Variants in MGA observed in about 807,000 individuals in gnomAD.
MGA encodes the protein MAX gene-associated protein.
Under a neutral mutation model 261.1 loss-of-function variants are expected in MGA, and 40 were observed. The ratio of observed to expected loss-of-function variants is 0.15; its 90% CI spans 0.12 to 0.20. MGA has a LOEUF of 0.20. MGA is among the 10% of genes least tolerant of loss of function. The pLI, the probability that MGA is intolerant of heterozygous loss-of-function variation, is 1.00. For missense variants in MGA, 3,397 were observed against 3,630.5 expected, an observed-to-expected ratio of 0.94 and a Z score of 1.65; for synonymous variants, 1,302 against 1,290.6, an observed-to-expected ratio of 1.01 and a Z score of -0.19.
At chr15:41,685,136 A>G (rs909547939) in intron 2 of MGA, among the ~76,000 whole-genome samples, 1 of 152,180 alleles carries the variant, frequency 6.6e-6, no homozygotes, top group East Asian at 1.9e-4. Context: ...ATTATTAATA[A>G]TTTTTGTACA....
In MGA at chr15:41,749,691, G is replaced by A; in HGVS notation, c.6084G>A (p.Arg2028=). The A allele has an allele frequency of 6.2e-7, 1 of 1,613,996 alleles. No individual in the cohort carries two copies. The highest frequency in any genetic ancestry group is 8.5e-7 in the Non-Finnish European group (1 of 1,179,900). The change falls in exon 17 of 24, where the codon AGG becomes AGA. Residue 2028 remains arginine, a synonymous_variant. Coordinates refer to ENST00000219905, the MANE Select transcript of MGA (RefSeq NM_001164273.2). Reference sequence around the variant, plus strand: ...CTCTGAATGATTCCTTGGAAGATAGGGGTGATCATTTGGATGAAGAATGCC... The same window carrying A: ...CTCTGAATGATTCCTTGGAAGATAGAGGTGATCATTTGGATGAAGAATGCC...
At position 41,743,190 on chromosome 15, in the gene MGA, C is replaced by T; in HGVS notation, c.5212+18C>T. ...GAGACCAGGTAAGGCCTAGATGTTACTAGCTGCTTTATTTTACTGTACACC... is the reference window on the plus strand; with the variant it reads ...GAGACCAGGTAAGGCCTAGATGTTATTAGCTGCTTTATTTTACTGTACACC... On this transcript the variant is annotated intron_variant, in intron 15 of 23. Transcript: ENST00000219905. The T allele has an allele frequency of 1.3e-6, 2 of 1,584,592 alleles. No individual in the cohort carries two copies. The highest frequency in any genetic ancestry group is 2.3e-5 in the South Asian group (2 of 87,762).
chr15:41,753,544 T>C (rs1440647917), intron 17 of MGA, among the ~76,000 whole-genome samples: 1 of 152,194 alleles, frequency 6.6e-6, no homozygotes, highest in African/African-American at 2.4e-5. Flanking sequence ...TGACTCCTTT[T>C]TTGGTATAAT....
chr15:41,651,761 C>T (rs1168790394), intron 1 of MGA, among the ~76,000 whole-genome samples: 2 of 44,032 alleles, frequency 4.5e-5, no homozygotes, highest in Non-Finnish European at 9.4e-5. Context: ...CCCTCCTCCT[C>T]TCCCCTCCCC....
At chr15:41,680,645 A>T (rs2058620023) in intron 2 of MGA, among the ~76,000 whole-genome samples, 1 of 152,236 alleles carries the variant, frequency 6.6e-6, no homozygotes, top group African/African-American at 2.4e-5. Flanking sequence ...AAAGAATACA[A>T]GTTAGGACCA....
chr15:41,713,281 G>A lies in MGA; in HGVS notation c.3215G>A (p.Arg1072His), dbSNP rs746445154. 10 of 1,613,940 alleles carry A rather than the reference G, an allele frequency of 6.2e-6. No individual in the cohort carries two copies. Among genetic ancestry groups the A allele is most frequent in the African/African-American group, 1.3e-5 (1 of 75,006 alleles). ...GAGAAGCGCCAACCTGCTCACTGCC[G>A]CCGACCAGACTGCATGTTTGGTTGT... The change falls in exon 9 of 24, where the codon CGC becomes CAC. Residue 1072 changes from arginine to histidine, a missense_variant. This residue lies in a region of MGA where 519 missense variants were observed against 554.1 expected (regional missense o/e 0.94). Coordinates refer to ENST00000219905, the MANE Select transcript of MGA (RefSeq NM_001164273.2).
At chr15:41,648,763 T>C (rs2056983266) in intron 1 of MGA, among the ~76,000 whole-genome samples, 1 of 152,174 alleles carries the variant, frequency 6.6e-6, no homozygotes, top group African/African-American at 2.4e-5. Context: ...CTGTAGGCCA[T>C]ACTAAGGATG....
chr15:41,766,553 C>G lies in MGA; in HGVS notation c.8471C>G (p.Thr2824Ser). The change falls in exon 24 of 24, where the codon ACT becomes AGT. Residue 2824 changes from threonine (T) to serine (S), a missense_variant. Physicochemically the swap from Thr to Ser is moderately conservative, Grantham distance 58 (BLOSUM62 1). Around this residue, in one of 9 missense-constraint regions of MGA, gnomAD observed 647 missense variants for 642.4 expected, o/e 1.01. Coordinates refer to ENST00000219905, the MANE Select transcript of MGA (RefSeq NM_001164273.2). Reference sequence around the variant, plus strand: ...GAGGATGATACTGATGAGACACTGACTTCACTGCTCAATGAAATTGCCTTT... The same window carrying G: ...GAGGATGATACTGATGAGACACTGAGTTCACTGCTCAATGAAATTGCCTTT... The G allele has an allele frequency of 1.2e-6, 2 of 1,613,956 alleles. No individual in the cohort carries two copies. Among genetic ancestry groups the G allele is most frequent in the Non-Finnish European group, 1.7e-6 (2 of 1,179,866 alleles).
At chr15:41,755,225 G>A (rs1392815741) in intron 18 of MGA, among the ~76,000 whole-genome samples, 4 of 152,186 alleles carry the variant, frequency 2.6e-5, no homozygotes, top group African/African-American at 9.7e-5. Context: ...GCCAGACATT[G>A]TACTTTTCCT....
Position 41,725,849 on chromosome 15 carries a change from A to AAT in MGA, c.3431-1330_3431-1329insTA, listed in dbSNP as rs2061203460. On this transcript the variant is annotated intron_variant, in intron 9 of 23. Coordinates refer to ENST00000219905, the MANE Select transcript of MGA (RefSeq NM_001164273.2). ...GACTCCGTCTCAAAAAAAAAAAAAA[A>AAT]AAAAAAATAAATAAATAAATAAATA... 2.8e-4 allele frequency among the ~76,000 whole-genome samples: 2 copies of AAT among 7,128 alleles called. 1 individual carries two copies. Among genetic ancestry groups the AAT allele is most frequent in the Non-Finnish European group, 9.5e-4 (2 of 2,116 alleles). 4.7% of individuals were successfully genotyped at this position (7,128 alleles called of 152,430 possible).
chr15:41,728,008 A>ATAAAACT (rs1476420297), intron 10 of MGA, among the ~76,000 whole-genome samples: 1 of 152,212 alleles, frequency 6.6e-6, no homozygotes, highest in Non-Finnish European at 1.5e-5. Context: ...CTATTATAGT[A>ATAAAACT]TAAAACTGTT....
intron 9 of MGA, chr15:41,718,263 C>T (rs547088647): frequency 4.7e-6 from 1 of 214,884 alleles, no homozygotes; most frequent in Non-Finnish European, 9.0e-6. Context: ...AGATAGATAT[C>T]TTGATATATG....
intron 5 of MGA, among the ~76,000 whole-genome samples, chr15:41,700,701 A>G (rs984664155): frequency 1.3e-5 from 2 of 152,174 alleles, no homozygotes; most frequent in Non-Finnish European, 2.9e-5. Flanking sequence ...CATCATGATC[A>G]CTACCAATTT....
chr15:41,768,700 G>C lies in MGA; in HGVS notation c.*1420G>C, dbSNP rs2063914296. ...ACTAACACAAGAGCTTCCAGTGCCT[G>C]GGCCGTGCCTAGGTGATGCTATTTC... On this transcript the variant is annotated 3_prime_UTR_variant, in exon 24 of 24. Coordinates refer to ENST00000219905, the MANE Select transcript of MGA (RefSeq NM_001164273.2). 6.6e-6 allele frequency: 1 copy of C among 152,602 alleles called. No individual in the cohort carries two copies. Among genetic ancestry groups the C allele is most frequent in the Non-Finnish European group, 1.5e-5 (1 of 68,036 alleles). 9.5% of individuals were successfully genotyped at this position (152,602 alleles called of 1,614,324 possible).
At position 41,734,534 on chromosome 15, in the gene MGA, G is replaced by C; in HGVS notation, c.3856G>C (p.Glu1286Gln). ...CTGTCTCCTTCAGGAACCTGATTCT[G>C]AACAGCAGCCCTTAAAACAACTCAC... The change falls in exon 12 of 24, where the codon GAA becomes CAA. Residue 1286 changes from glutamate to glutamine, a missense_variant. Coordinates refer to ENST00000219905, the MANE Select transcript of MGA (RefSeq NM_001164273.2). 1 of 1,608,526 alleles carries C rather than the reference G, an allele frequency of 6.2e-7. No individual in the cohort carries two copies.
intron 2 of MGA, among the ~76,000 whole-genome samples, chr15:41,679,813 T>TA (rs2058576270): frequency 6.6e-6 from 1 of 152,156 alleles, no homozygotes; most frequent in Admixed American, 6.5e-5. Flanking sequence ...TTAAAAGAGA[T>TA]ATCTTTACAA....
At chr15:41,701,315 A>T (rs1467187855) in intron 5 of MGA, among the ~76,000 whole-genome samples, 1 of 151,690 alleles carries the variant, frequency 6.6e-6, no homozygotes, top group Non-Finnish European at 1.5e-5. Flanking sequence ...TTTTAACTTA[A>T]TCTCCCACAT....
intron 1 of MGA, among the ~76,000 whole-genome samples, chr15:41,627,763 A>G (rs1239821511): frequency 6.6e-6 from 1 of 152,350 alleles, no homozygotes; most frequent in East Asian, 1.9e-4. Context: ...AATTGTAGAA[A>G]GGAATTAAAG....
Position 41,765,959 on chromosome 15 carries a change from A to G in MGA, c.7922-45A>G, listed in dbSNP as rs77950059. The stretch of plus-strand genomic sequence containing the variant: ...GACAGAGAGAAAGAGAGGTGTTAAC[A>G]CTAGATCTAAATGAATTTTTCTTTT... On this transcript the variant is annotated intron_variant, in intron 23 of 23. Coordinates refer to ENST00000219905, the MANE Select transcript of MGA (RefSeq NM_001164273.2). The G allele has an allele frequency of 8.0e-4, 1,214 of 1,509,012 alleles. 18 individuals are homozygous for G. In the East Asian group the frequency reaches 0.02, roughly 24 times the overall value. The allele number at this position is 1,509,012 out of a possible 1,614,324, so 93.5% of individuals were successfully genotyped here.
Sources: gnomAD v4.1 joint callset for allele counts (sites outside exome capture counted in the v4.1 genomes callset) on GRCh38, gnomAD v4.1.1 for gene constraint, gnomAD v4.1.1 regional missense constraint, MANE v1.5 for transcripts, NCBI Gene and HGNC (gene_info 2026-07-23, HGNC 2026-07-21) for gene names.